The following ADRA1A variants were observed in gnomAD, a reference collection of about 807,000 sequenced individuals.
ADRA1A encodes the protein alpha-1A adrenergic receptor.
Under a neutral mutation model 29.6 loss-of-function variants are expected in ADRA1A, and 31 were observed. The observed-to-expected ratio is 1.05, with a 90% CI of 0.79 to 1.41. ADRA1A has a LOEUF of 1.41. ADRA1A is among the 40% of genes most tolerant of loss of function. The pLI, the probability that ADRA1A is intolerant of heterozygous loss-of-function variation, is 0.00. For missense variants in ADRA1A, 619 were observed against 601.1 expected, an observed-to-expected ratio of 1.03 and a Z score of -0.31; for synonymous variants, 311 against 254.3, an observed-to-expected ratio of 1.22 and a Z score of -2.12.
At chr8:26,858,245 G>C (rs903014316) in intron 2 of ADRA1A, among the ~76,000 whole-genome samples, 2 of 152,166 alleles carry the variant, frequency 1.3e-5, no homozygotes, top group Non-Finnish European at 2.9e-5. Flanking sequence ...CTATAATAAC[G>C]CTGGGTTTTG....
At chr8:26,828,001 C>T (rs959144633) in intron 2 of ADRA1A, among the ~76,000 whole-genome samples, 3 of 152,144 alleles carry the variant, frequency 2.0e-5, no homozygotes, top group African/African-American at 7.2e-5. Flanking sequence ...TCCAGCAACC[C>T]TCCCACCTCA....
At chr8:26,752,465 G>T (rs1236966277), downstream of ADRA1A, among the ~76,000 whole-genome samples, 1 of 152,164 alleles carries the variant, frequency 6.6e-6, no homozygotes, top group African/African-American at 2.4e-5. Flanking sequence ...AATATAACTG[G>T]CTTCCAGGTA....
intron 2 of ADRA1A, among the ~76,000 whole-genome samples, chr8:26,817,266 CAAAT>C (rs1409134949): frequency 6.6e-6 from 1 of 152,036 alleles, no homozygotes; most frequent in Non-Finnish European, 1.5e-5. Context: ...AAGCAAATGT[CAAAT>C]AAGCAAATGA....
At chr8:26,754,034 C>T (rs1805040583), downstream of ADRA1A, among the ~76,000 whole-genome samples, 1 of 152,182 alleles carries the variant, frequency 6.6e-6, no homozygotes, top group African/African-American at 2.4e-5. Flanking sequence ...GTACTATATA[C>T]ATTCATTTTC....
chr8:26,779,076 A>G (rs1806763480), intron 2 of ADRA1A: 1 of 461,520 alleles, frequency 2.2e-6, no homozygotes, highest in Non-Finnish European at 3.8e-6. Flanking sequence ...CACGGTACAT[A>G]TCACAGTTTT....
chr8:26,803,231 A>G (rs1372570760), intron 2 of ADRA1A, among the ~76,000 whole-genome samples: 1 of 152,194 alleles, frequency 6.6e-6, no homozygotes, highest in Non-Finnish European at 1.5e-5. Context: ...AGGGAGTACA[A>G]TTGGAATGTT....
intron 2 of ADRA1A, chr8:26,756,817 T>C (rs2130177585): frequency 1.2e-6 from 2 of 1,602,736 alleles, no homozygotes; most frequent in Non-Finnish European, 8.5e-7. Context: ...TAATTAATCA[T>C]GCATTTTTAA....
chr8:26,795,981 G>A (rs897218829), intron 2 of ADRA1A, among the ~76,000 whole-genome samples: 1 of 152,030 alleles, frequency 6.6e-6, no homozygotes, highest in African/African-American at 2.4e-5. Flanking sequence ...TTCTAAAAGT[G>A]TCCTAAGAAA....
downstream of ADRA1A, among the ~76,000 whole-genome samples, chr8:26,764,444 G>C (rs1265838221): frequency 1.3e-5 from 2 of 152,226 alleles, no homozygotes; most frequent in Non-Finnish European, 2.9e-5. Flanking sequence ...CCATGGCAGA[G>C]ATAAGGCAGG....
rs113564954 is a variant in ADRA1A at position 26,866,476 on chromosome 8, G to A, written c.-687+460C>T. On this transcript the variant is annotated intron_variant, in intron 1 of 2. Transcript: ENST00000380573. The surrounding 1 kb of genome is among the most constrained non-coding windows in gnomAD (Gnocchi z 5.7). Reference sequence around the variant, plus strand: ...TAAGCCGGCATGCCAGCGGGCAGGGGCCGCCTTCGATTTTCTGGGCTGGGG... The same window carrying A: ...TAAGCCGGCATGCCAGCGGGCAGGGACCGCCTTCGATTTTCTGGGCTGGGG... Among the ~76,000 whole-genome samples the A allele has an allele frequency of 1.3e-5, 2 of 152,306 alleles. No homozygotes were observed. Among genetic ancestry groups the A allele is most frequent in the East Asian group, 3.9e-4 (2 of 5,152 alleles).
chr8:26,770,471 A>G lies in ADRA1A; in HGVS notation c.1079T>C (p.Leu360Pro). 1 of 1,614,202 alleles carries G rather than the reference A, an allele frequency of 6.2e-7. No individual in the cohort carries two copies. Among genetic ancestry groups the G allele is most frequent in the Non-Finnish European group, 8.5e-7 (1 of 1,180,032 alleles). ...QSSKHALGYT[L>P]HPPSQAVEGQ... is the part of the protein sequence containing the mutation. Reference sequence around the variant, plus strand: ...TTCCACGGCCTGGCTGGGCGGGTGCAGGGTGTAGCCCAGGGCATGTTTGGA... The same window carrying G: ...TTCCACGGCCTGGCTGGGCGGGTGCGGGGTGTAGCCCAGGGCATGTTTGGA... Residue 360 changes from leucine (L) to proline (P), a missense_variant, in exon 3 of 3, where the codon CTG becomes CCG. By Grantham distance (98) the Leu-to-Pro change is moderately conservative (BLOSUM62 -3). Coordinates refer to ENST00000380573, the MANE Select transcript of ADRA1A (RefSeq NM_000680.4).
At chr8:26,784,201 TCAAA>T (rs1245574361) in intron 2 of ADRA1A, among the ~76,000 whole-genome samples, 3 of 152,146 alleles carry the variant, frequency 2.0e-5, no homozygotes, top group Admixed American at 6.5e-5. Context: ...AGAAAAATAG[TCAAA>T]CAAAGAAACA....
chr8:26,816,528 G>GGT lies in ADRA1A; in HGVS notation c.884-45864_884-45863dup, dbSNP rs1357840136. On this transcript the variant is annotated intron_variant, in intron 2 of 2. Transcript: ENST00000380573. ...CAAAAACAACAAGAGAGGTGCTCATGGTGTATGTGTGTGTGTGTGTGTGTG... is the reference window on the plus strand; with the variant it reads ...CAAAAACAACAAGAGAGGTGCTCATGGTGTGTATGTGTGTGTGTGTGTGTGTG... Among the ~76,000 whole-genome samples the GGT allele has an allele frequency of 3.2e-3, 385 of 120,726 alleles. 3 individuals carry two copies. Among genetic ancestry groups the GGT allele is most frequent in the African/African-American group, 0.01 (332 of 32,880 alleles). 79.2% of individuals were successfully genotyped at this position (120,726 alleles called of 152,430 possible).
rs1812358898 is a variant in ADRA1A, at chr8:26,848,271, A to C, written c.883+15816T>G. Reference sequence around the variant, plus strand: ...AGTAAGTGCCATGCAAGTACCACTAATATGGATGGAAAGTTTGTGTCCTCC... The same window carrying C: ...AGTAAGTGCCATGCAAGTACCACTACTATGGATGGAAAGTTTGTGTCCTCC... On this transcript the variant is annotated intron_variant, in intron 2 of 2. Transcript: ENST00000380573. This position sits in a 1 kb window ranked among gnomAD's most constrained non-coding sequence, Gnocchi z 4.3. 2.0e-5 allele frequency among the ~76,000 whole-genome samples: 3 copies of C among 152,176 alleles called. No homozygotes were observed. Among genetic ancestry groups the C allele is most frequent in the Non-Finnish European group, 2.9e-5 (2 of 68,038 alleles).
chr8:26,767,054 G>T (rs1805830447), downstream of ADRA1A, among the ~76,000 whole-genome samples: 1 of 152,068 alleles, frequency 6.6e-6, no homozygotes. Context: ...ACATAATCTG[G>T]GGAAATTTTT....
chr8:26,810,804 A>T lies in ADRA1A; in HGVS notation c.884-40138T>A, dbSNP rs115197746. Among the ~76,000 whole-genome samples the T allele has an allele frequency of 2.8e-3, 420 of 152,296 alleles. 3 individuals carry two copies. The highest frequency in any genetic ancestry group is 9.6e-3 in the African/African-American group (398 of 41,554). ...ACGTTTGCAGTTATTCTTAATGAGC[A>T]TGCTTCCTACTCAACTGACCCGAAA... On this transcript the variant is annotated intron_variant, in intron 2 of 2. Transcript: ENST00000380573.
intron 2 of ADRA1A, among the ~76,000 whole-genome samples, chr8:26,862,369 C>G (rs1643978790): frequency 6.6e-6 from 1 of 152,220 alleles, no homozygotes; most frequent in South Asian, 2.1e-4. Context: ...TTGTCACTTT[C>G]TAGCCTCTCA....
At position 26,864,092 on chromosome 8, in the gene ADRA1A, G is replaced by A; in HGVS notation, c.878C>T (p.Pro293Leu). Residue 293 changes from proline to leucine, a missense_variant, in exon 2 of 3, where the codon CCC becomes CTC. Transcript: ENST00000380573. This position sits in a 1 kb window ranked among gnomAD's most constrained non-coding sequence, Gnocchi z 8.1. ...LCWLPFFLVM[P>L]IGSFFPDFKP... ...GAGGGGTGTTCAAGACTTACCAATG[G>A]GCATGACTAAGAAAAAAGGCAGCCA... The A allele has an allele frequency of 3.7e-6, 6 of 1,612,698 alleles. No individual in the cohort carries two copies. Among genetic ancestry groups the A allele is most frequent in the Non-Finnish European group, 4.2e-6 (5 of 1,179,362 alleles).
chr8:26,830,608 A>T (rs563361150), intron 2 of ADRA1A, among the ~76,000 whole-genome samples: 1 of 152,360 alleles, frequency 6.6e-6, no homozygotes, highest in Middle Eastern at 3.4e-3. Flanking sequence ...GAACCTTCTC[A>T]TCAGTTGTGG....
Sources: gnomAD v4.1 joint callset for allele counts (sites outside exome capture counted in the v4.1 genomes callset) on GRCh38, gnomAD v4.1.1 for gene constraint, Gnocchi (gnomAD v3.1) non-coding constraint, MANE v1.5 for transcripts, NCBI Gene and HGNC (gene_info 2026-07-23, HGNC 2026-07-21) for gene names.